PKNOX2: variants seen among roughly 807,000 people sequenced by gnomAD.
PKNOX2 encodes the protein PBX/knotted 1 homeobox 2, also known as homeobox protein PKNOX2.
In PKNOX2, 14 loss-of-function variants were observed where a neutral mutation model predicts 53.1. The ratio of observed to expected loss-of-function variants is 0.26; its 90% CI spans 0.17 to 0.41. The LOEUF (loss-of-function observed/expected upper bound fraction) is 0.41. PKNOX2 is among the 10% of genes least tolerant of loss of function. The probability of loss-of-function intolerance (pLI) is 1.00; values close to 1 mark genes in which losing one functional copy is unlikely to be tolerated. For synonymous variants in PKNOX2, 257 were observed against 242.8 expected (o/e 1.06, Z -0.54); for missense variants, 496 against 602.8 (o/e 0.82, Z 1.85).
At chr11:125,317,080 A>C (rs936290096) in intron 2 of PKNOX2, among the ~76,000 whole-genome samples, 4 of 152,232 alleles carry the variant, frequency 2.6e-5, no homozygotes, top group Non-Finnish European at 1.5e-5. Context: ...AGAAAACTGC[A>C]TTCTTTGTTC....
rs982239964 is a variant in PKNOX2, at chr11:125,216,527, C to T, written c.-200-18518C>T. 3.9e-5 allele frequency among the ~76,000 whole-genome samples: 6 copies of T among 152,204 alleles called. No individual in the cohort carries two copies. The East Asian group carries it at 5.8e-4, about 15-fold the overall frequency. ...GAACCCAGCCTGCCCCTTCTCCCCT[C>T]GTTCCCTTCCCACCCCTTTCCCTCT... On this transcript the variant is annotated intron_variant, in intron 1 of 12. Transcript: ENST00000298282.
chr11:125,327,344 G>A (rs967653202), intron 2 of PKNOX2, among the ~76,000 whole-genome samples: 2 of 152,342 alleles, frequency 1.3e-5, no homozygotes, highest in East Asian at 1.9e-4. Context: ...GAGGTGGGGA[G>A]GTCGTGAGGA....
At chr11:125,178,507 T>TC (rs1955857397) in intron 1 of PKNOX2, among the ~76,000 whole-genome samples, 1 of 120,722 alleles carries the variant, frequency 8.3e-6, no homozygotes, top group Admixed American at 8.8e-5. Context: ...CGAAACTCTG[T>TC]CTCAAAAAAA....
Position 125,385,605 on chromosome 11 carries a change from C to G in PKNOX2, c.282C>G (p.Thr94=). ...TLLFEKCEQA[T]QGSECITSAS... is the part of the protein sequence containing the mutation. ...TGTTTGAGAAATGTGAACAGGCCAC[C>G]CAGGGCTCTGAGTGCATCACCTCCG... The change falls in exon 6 of 13, where the codon ACC becomes ACG. Residue 94 remains threonine (T), a synonymous_variant. Transcript: ENST00000298282. 1 of 1,613,196 alleles carries G rather than the reference C, an allele frequency of 6.2e-7. No homozygotes were observed. Among genetic ancestry groups the G allele is most frequent in the Non-Finnish European group, 8.5e-7 (1 of 1,179,714 alleles).
At position 125,429,067 on chromosome 11, in the gene PKNOX2, C is replaced by T; in HGVS notation, c.992C>T (p.Thr331Ile). 1.2e-6 allele frequency: 2 copies of T among 1,613,482 alleles called. No individual in the cohort carries two copies. The highest frequency in any genetic ancestry group is 8.5e-7 in the Non-Finnish European group (1 of 1,179,410). ...CAGATCGCAGCCCAGACCAACCTCA[C>T]CCTCCTGCAAGTAAACAACTGGTGA... ...KRQIAAQTNL[T>I]LLQVNNWFIN... Residue 331 changes from threonine (T) to isoleucine (I), a missense_variant, in exon 11 of 13, where the codon ACC becomes ATC. Thr to Ile is a moderately conservative substitution (Grantham distance 89). Transcript: ENST00000298282.
At chr11:125,387,426 C>T (rs543849512) in intron 6 of PKNOX2, among the ~76,000 whole-genome samples, 2 of 152,222 alleles carry the variant, frequency 1.3e-5, no homozygotes, top group East Asian at 3.9e-4. Context: ...CATGCCCTGC[C>T]CACCACCACC....
intron 1 of PKNOX2, among the ~76,000 whole-genome samples, chr11:125,183,833 G>A (rs1036337286): frequency 1.3e-5 from 2 of 152,158 alleles, no homozygotes. Flanking sequence ...CTCAATGAAT[G>A]GAGTGTTCAT....
At chr11:125,406,904 G>T (rs1471548361) in intron 7 of PKNOX2, among the ~76,000 whole-genome samples, 1 of 113,852 alleles carries the variant, frequency 8.8e-6, no homozygotes, top group Middle Eastern at 6.5e-3. Context: ...CAGTGGCCCT[G>T]AGAATCTATG....
chr11:125,317,827 AC>A (rs1279953214), intron 2 of PKNOX2, among the ~76,000 whole-genome samples: 1 of 152,210 alleles, frequency 6.6e-6, no homozygotes, highest in Non-Finnish European at 1.5e-5. Context: ...AAAAAAGTCA[AC>A]CTGTTTTTTT....
intron 2 of PKNOX2, among the ~76,000 whole-genome samples, chr11:125,271,081 G>A (rs1591507005): frequency 6.6e-6 from 1 of 152,122 alleles, no homozygotes; most frequent in East Asian, 1.9e-4. Context: ...TGATGATCCT[G>A]TCTGTGGATT....
In PKNOX2 at chr11:125,324,930, G is replaced by A. The variant is rs1250606971; in HGVS notation, c.-129-6889G>A. On this transcript the variant is annotated intron_variant, in intron 2 of 12. Coordinates refer to ENST00000298282, the MANE Select transcript of PKNOX2 (RefSeq NM_001382323.2). ...AAGGGATGGGAGGGGAGGAGTGAGA[G>A]AAGGAGGCTAGGCTGAGTTTTGTAA... Among the ~76,000 whole-genome samples the A allele has an allele frequency of 7.2e-5, 11 of 152,128 alleles. No homozygotes were observed. The East Asian group carries it at 2.1e-3, about 29-fold the overall frequency.
At chr11:125,250,528 C>T (rs1156362955) in intron 2 of PKNOX2, among the ~76,000 whole-genome samples, 1 of 152,170 alleles carries the variant, frequency 6.6e-6, no homozygotes, top group Non-Finnish European at 1.5e-5. Context: ...GTTGCGGGAG[C>T]TGTGCCAGAC....
intron 1 of PKNOX2, among the ~76,000 whole-genome samples, chr11:125,204,242 T>G (rs1938799926): frequency 6.6e-6 from 1 of 152,204 alleles, no homozygotes; most frequent in Admixed American, 6.5e-5. Context: ...GGCCTTGGTT[T>G]TGGAGTTAAG....
At chr11:125,401,286 G>C in intron 7 of PKNOX2, among the ~76,000 whole-genome samples, 1 of 152,148 alleles carries the variant, frequency 6.6e-6, no homozygotes, top group East Asian at 1.9e-4. Flanking sequence ...CGGGGCAGAA[G>C]GACAGACGGA....
intron 5 of PKNOX2, among the ~76,000 whole-genome samples, chr11:125,372,133 G>A (rs1482975971): frequency 6.6e-6 from 1 of 152,128 alleles, no homozygotes; most frequent in East Asian, 1.9e-4. Context: ...TGGTTAGGGA[G>A]CACCCCATAA....
intron 1 of PKNOX2, among the ~76,000 whole-genome samples, chr11:125,189,447 G>A (rs11219965): frequency 0.12 from 2,693 of 23,110 alleles, 250 homozygotes; most frequent in Non-Finnish European, 0.16. Flanking sequence ...GTGTGTGTGT[G>A]TATATATATA....
chr11:125,220,618 C>T (rs1941045960), intron 1 of PKNOX2, among the ~76,000 whole-genome samples: 1 of 152,148 alleles, frequency 6.6e-6, no homozygotes, highest in Non-Finnish European at 1.5e-5. Flanking sequence ...GGGCAATCAG[C>T]CCTGGGGAAT....
intron 2 of PKNOX2, among the ~76,000 whole-genome samples, chr11:125,291,035 A>C (rs564283643): frequency 6.6e-6 from 1 of 152,182 alleles, no homozygotes; most frequent in Non-Finnish European, 1.5e-5. Flanking sequence ...TTCCAATGGC[A>C]GAGGCAGAGC....
At chr11:125,243,482 T>C (rs567421102) in intron 2 of PKNOX2, among the ~76,000 whole-genome samples, 1 of 152,332 alleles carries the variant, frequency 6.6e-6, no homozygotes, top group African/African-American at 2.4e-5. Flanking sequence ...CATATGCTGT[T>C]CCCTCTGCCA....
Sources: gnomAD v4.1 joint callset for allele counts (sites outside exome capture counted in the v4.1 genomes callset) on GRCh38, gnomAD v4.1.1 for gene constraint, MANE v1.5 for transcripts, NCBI Gene and HGNC (gene_info 2026-07-23, HGNC 2026-07-21) for gene names.